Variants in RIN2 observed in about 807,000 individuals in gnomAD.
The protein encoded by RIN2 is RAB5 interacting protein 2.
In RIN2, 36 loss-of-function variants were observed where a neutral mutation model predicts 78.0. The ratio of observed to expected loss-of-function variants is 0.46; its 90% CI spans 0.35 to 0.61. The LOEUF (loss-of-function observed/expected upper bound fraction) is 0.61. RIN2 is among the 20% of genes least tolerant of loss of function. The pLI, the probability that RIN2 is intolerant of heterozygous loss-of-function variation, is 0.00. For missense variants in RIN2, 1,087 were observed against 1,159.7 expected (o/e 0.94, Z 0.91); for synonymous variants, 466 against 466.8 (o/e 1.00, Z 0.02).
intron 11 of RIN2, among the ~76,000 whole-genome samples, chr20:19,994,374 C>T (rs561781050): frequency 7.2e-5 from 11 of 152,286 alleles, no homozygotes; most frequent in African/African-American, 1.9e-4. Context: ...CTTTGGTTTG[C>T]GGGGTAGCAG....
At position 19,931,172 on chromosome 20, in the gene RIN2, C is replaced by A. The variant is rs919397878; in HGVS notation, c.58-3927C>A. Among the ~76,000 whole-genome samples, 8 of 152,192 alleles carry A rather than the reference C, an allele frequency of 5.3e-5. No individual in the cohort carries two copies. The South Asian group carries it at 1.7e-3, about 31-fold the overall frequency. ...ATCCATTTCTCCTGTCTAGAGGTAA[C>A]CACTATCCTGGATTAGGATTATAAC... On this transcript the variant is annotated intron_variant, in intron 3 of 12. Transcript: ENST00000255006.
At chr20:19,816,403 G>A (rs13045300) in intron 2 of RIN2, among the ~76,000 whole-genome samples, 3 of 151,894 alleles carry the variant, frequency 2.0e-5, no homozygotes, top group Admixed American at 2.0e-4. Context: ...ATGAGAACTC[G>A]AATTTTCCTG....
chr20:19,823,297 G>C, intron 2 of RIN2: 1 of 582,954 alleles, frequency 1.7e-6, no homozygotes, highest in Non-Finnish European at 3.0e-6. Context: ...CTGGAATCTG[G>C]GGACTGAATG....
intron 3 of RIN2, among the ~76,000 whole-genome samples, chr20:19,901,127 G>C (rs1310426676): frequency 6.6e-6 from 1 of 152,022 alleles, no homozygotes; most frequent in Non-Finnish European, 1.5e-5. Context: ...TATACAAAAA[G>C]CATAGAAACG....
intron 3 of RIN2, among the ~76,000 whole-genome samples, chr20:19,934,114 C>G (rs1346123553): frequency 6.6e-6 from 1 of 152,108 alleles, no homozygotes; most frequent in Non-Finnish European, 1.5e-5. Flanking sequence ...CTGGCCAATG[C>G]TCTTAAAAAT....
At chr20:19,808,553 T>C (rs1208983365) in intron 2 of RIN2, among the ~76,000 whole-genome samples, 1 of 152,204 alleles carries the variant, frequency 6.6e-6, no homozygotes, top group East Asian at 1.9e-4. Context: ...GGACACAGTT[T>C]TCTAAAGCAC....
intron 2 of RIN2, among the ~76,000 whole-genome samples, chr20:19,882,850 G>A (rs971706908): frequency 7.9e-5 from 12 of 151,992 alleles, no homozygotes; most frequent in Admixed American, 5.2e-4. Context: ...TGAAAAAAAC[G>A]CACAAGTTGT....
At chr20:19,817,514 CG>C (rs1318765712) in intron 2 of RIN2, among the ~76,000 whole-genome samples, 1 of 151,192 alleles carries the variant, frequency 6.6e-6, no homozygotes, top group Non-Finnish European at 1.5e-5. Context: ...AATTTGGGGG[CG>C]GGGGGCACAA....
intron 6 of RIN2, among the ~76,000 whole-genome samples, chr20:19,963,526 T>G (rs914891336): frequency 6.6e-6 from 1 of 151,526 alleles, no homozygotes. Context: ...GGAGAATCGC[T>G]TGAACCCGGG....
chr20:19,910,575 T>A (rs1277868934), intron 3 of RIN2, among the ~76,000 whole-genome samples: 2 of 150,804 alleles, frequency 1.3e-5, no homozygotes, highest in African/African-American at 2.4e-5. Flanking sequence ...GTGAACTTTT[T>A]TTTTTTTTTT....
intron 9 of RIN2, among the ~76,000 whole-genome samples, chr20:19,989,044 C>T (rs1347234713): frequency 6.6e-6 from 1 of 152,116 alleles, no homozygotes; most frequent in Non-Finnish European, 1.5e-5. Flanking sequence ...CCCCTAAATA[C>T]TTCAATGCAT....
At chr20:19,967,792 A>G (rs1169482678) in intron 7 of RIN2, among the ~76,000 whole-genome samples, 2 of 152,200 alleles carry the variant, frequency 1.3e-5, no homozygotes, top group Non-Finnish European at 2.9e-5. Flanking sequence ...GTTAAGGCTA[A>G]TGCTGCTTGT....
At chr20:19,948,417 C>T (rs549308750) in intron 4 of RIN2, among the ~76,000 whole-genome samples, 21 of 152,168 alleles carry the variant, frequency 1.4e-4, no homozygotes, top group African/African-American at 3.9e-4. Context: ...TTTTTGGAGA[C>T]GCAGTATCCA....
intron 11 of RIN2, among the ~76,000 whole-genome samples, chr20:19,992,930 C>G (rs1036236129): frequency 6.6e-6 from 1 of 151,900 alleles, no homozygotes; most frequent in Non-Finnish European, 1.5e-5. Context: ...TTTTAAGTAT[C>G]TTTTCATTTT....
At chr20:19,906,361 A>T (rs2039218258) in intron 3 of RIN2, among the ~76,000 whole-genome samples, 1 of 152,152 alleles carries the variant, frequency 6.6e-6, no homozygotes, top group Admixed American at 6.5e-5. Context: ...AGATGGGAGG[A>T]TTGCTTGAGC....
chr20:19,827,324 T>C (rs1339070673), intron 2 of RIN2, among the ~76,000 whole-genome samples: 2 of 152,196 alleles, frequency 1.3e-5, no homozygotes, highest in Non-Finnish European at 2.9e-5. Context: ...ATAAGGAATA[T>C]GGCTAAACTG....
chr20:19,975,227 C>A lies in RIN2; in HGVS notation c.1202C>A (p.Pro401His). The A allele has an allele frequency of 1.3e-6, 2 of 1,586,216 alleles. No individual in the cohort carries two copies. The highest frequency in any genetic ancestry group is 1.7e-6 in the Non-Finnish European group (2 of 1,166,522). ...GCTGGCAGCCCAGGTGGGGCCCCGC[C>A]TGAGGCCGCCCCGGGGGATTGCACA... The part of the protein sequence containing the change: ...GTAGSPGGAP[P>H]EAAPGDCTRA... Residue 401 changes from proline (P) to histidine (H), a missense_variant, in exon 9 of 13, where the codon CCT becomes CAT. Physicochemically the swap from Pro to His is moderately conservative, Grantham distance 77. This residue lies in a region of RIN2 where 706 missense variants were observed against 667.5 expected (regional missense o/e 1.06). Coordinates refer to ENST00000255006, the MANE Select transcript of RIN2 (RefSeq NM_018993.4). This position sits in a 1 kb window ranked among gnomAD's most constrained non-coding sequence, Gnocchi z 4.9.
intron 2 of RIN2, among the ~76,000 whole-genome samples, chr20:19,875,980 G>T (rs60782177): frequency 3.3e-5 from 5 of 152,188 alleles, no homozygotes; most frequent in Admixed American, 2.6e-4. Context: ...GGGCACAGCC[G>T]GGGTCCCTCC....
chr20:20,000,592 A>G, intron 12 of RIN2, 21 bp from the exon 13 acceptor site: 1 of 1,570,178 alleles, frequency 6.4e-7, no homozygotes, highest in Non-Finnish European at 8.7e-7. Context: ...GACTGTCTCA[A>G]CATTCCTCTT....
Sources: allele counts gnomAD v4.1 joint callset (sites outside exome capture counted in the v4.1 genomes callset), GRCh38; gene constraint gnomAD v4.1.1; regional missense constraint gnomAD v4.1.1; non-coding constraint Gnocchi (gnomAD v3.1); transcripts MANE v1.5; gene names NCBI Gene and HGNC (gene_info 2026-07-23, HGNC 2026-07-21).